The following AGBL1 variants were observed in gnomAD, a reference collection of about 807,000 sequenced individuals.
AGBL1 encodes cytosolic carboxypeptidase 4.
A neutral mutation model predicts 118.9 loss-of-function variants in AGBL1; 130 were observed. That is an observed-to-expected ratio of 1.09 (90% CI 0.95 to 1.26). The LOEUF is 1.26. Ranked by LOEUF, AGBL1 falls within the 50% of genes most tolerant of loss-of-function variation. The probability of loss-of-function intolerance (pLI) is 0.00; values close to 1 mark genes in which losing one functional copy is unlikely to be tolerated. For synonymous variants in AGBL1, 555 were observed against 478.9 expected, an observed-to-expected ratio of 1.16 and a Z score of -2.08; for missense variants, 1,584 against 1,298.1, an observed-to-expected ratio of 1.22 and a Z score of -3.38.
At position 86,554,512 on chromosome 15, in the gene AGBL1, G is replaced by A; in HGVS notation, c.2969G>A (p.Cys990Tyr). ...AGCTACACCATGGAAAGCAGCTACTGTGGCTGCAACCAGGGCCCTTATCAG... is the reference window on the plus strand; with the variant it reads ...AGCTACACCATGGAAAGCAGCTACTATGGCTGCAACCAGGGCCCTTATCAG... ...SRSYTMESSYCGCNQGPYQGL... is the reference protein window; with the variant it reads ...SRSYTMESSYYGCNQGPYQGL... The change falls in exon 21 of 23, where the codon TGT becomes TAT. Residue 990 changes from cysteine (C) to tyrosine (Y), a missense_variant. Transcript: ENST00000614907. 1 of 1,556,176 alleles carries A rather than the reference G, an allele frequency of 6.4e-7. No individual in the cohort carries two copies. The highest frequency in any genetic ancestry group is 1.2e-5 in the South Asian group (1 of 81,936).
chr15:86,260,578 A>G (rs138812902), intron 9 of AGBL1, among the ~76,000 whole-genome samples: 436 of 152,208 alleles, frequency 2.9e-3, no homozygotes, highest in African/African-American at 0.01. Context: ...TTTATTGGGT[A>G]TGATCCGTAT....
chr15:86,504,438 G>C (rs146385322), intron 18 of AGBL1, among the ~76,000 whole-genome samples: 1 of 151,468 alleles, frequency 6.6e-6, no homozygotes, highest in African/African-American at 2.4e-5. Context: ...AAGGTTTTAT[G>C]TATGTCATTT....
At chr15:86,080,208 A>G in intron 1 of AGBL1, 185 bp downstream of exon 1, 1 of 397,058 alleles carries the variant, frequency 2.5e-6, no homozygotes, top group East Asian at 3.7e-5. Flanking sequence ...CAAATATTAA[A>G]CACGACGATG....
intron 5 of AGBL1, among the ~76,000 whole-genome samples, chr15:86,191,369 A>AAAAAAAAG (rs1247744212): frequency 1.9e-4 from 27 of 145,140 alleles, no homozygotes; most frequent in African/African-American, 6.6e-4. Flanking sequence ...AAAAAAAAAA[A>AAAAAAAAG]AGAGAGAGAG....
intron 18 of AGBL1, among the ~76,000 whole-genome samples, chr15:86,515,560 G>A (rs993165748): frequency 5.3e-5 from 8 of 151,822 alleles, no homozygotes; most frequent in African/African-American, 1.7e-4. Context: ...ACAATTTTTT[G>A]TGAGAATTAA....
chr15:86,415,229 G>T (rs1326894511), intron 18 of AGBL1, among the ~76,000 whole-genome samples: 1 of 152,108 alleles, frequency 6.6e-6, no homozygotes, highest in Non-Finnish European at 1.5e-5. Context: ...TGTAGGGAGG[G>T]TATACAACCC....
chr15:86,474,611 A>C (rs2142109118), intron 18 of AGBL1, among the ~76,000 whole-genome samples: 1 of 152,338 alleles, frequency 6.6e-6, no homozygotes, highest in East Asian at 1.9e-4. Flanking sequence ...CTGCAGCTCA[A>C]GGAGGCCTGC....
intron 15 of AGBL1, among the ~76,000 whole-genome samples, chr15:86,272,529 A>T (rs2079178036): frequency 6.6e-6 from 1 of 152,226 alleles, no homozygotes; most frequent in South Asian, 2.1e-4. Context: ...GCCTCTAAAA[A>T]AGTATGATCA....
intron 17 of AGBL1, among the ~76,000 whole-genome samples, chr15:86,299,080 A>C (rs553248537): frequency 2.6e-5 from 4 of 152,318 alleles, no homozygotes; most frequent in Admixed American, 2.6e-4. Flanking sequence ...TTGAGTCGTC[A>C]CCAGATTTGC....
chr15:86,574,038 A>G (rs1449202663), intron 21 of AGBL1, among the ~76,000 whole-genome samples: 1 of 151,400 alleles, frequency 6.6e-6, no homozygotes, highest in Non-Finnish European at 1.5e-5. Flanking sequence ...CAAACAAATA[A>G]ACAAACAAAC....
chr15:86,216,634 C>A (rs575242366), intron 5 of AGBL1, among the ~76,000 whole-genome samples: 1 of 152,144 alleles, frequency 6.6e-6, no homozygotes, highest in Admixed American at 6.5e-5. Flanking sequence ...TGTGTGTAAT[C>A]CTTTTTACTT....
At chr15:86,316,236 C>T (rs1436709098) in intron 17 of AGBL1, among the ~76,000 whole-genome samples, 1 of 152,170 alleles carries the variant, frequency 6.6e-6, no homozygotes, top group Non-Finnish European at 1.5e-5. Flanking sequence ...GACTGAAACT[C>T]TGTTTCCGAG....
chr15:86,802,989 C>T (rs1236599496), intron 22 of AGBL1, among the ~76,000 whole-genome samples: 2 of 152,074 alleles, frequency 1.3e-5, no homozygotes, highest in African/African-American at 4.8e-5. Flanking sequence ...TGCTATTAAC[C>T]ATTACTCCAA....
intron 18 of AGBL1, among the ~76,000 whole-genome samples, chr15:86,421,771 T>C (rs2142024775): frequency 6.6e-6 from 1 of 151,346 alleles, no homozygotes; most frequent in East Asian, 1.9e-4. Context: ...AGCAAGCAAA[T>C]AGAAAGGAAA....
intron 18 of AGBL1, among the ~76,000 whole-genome samples, chr15:86,401,445 C>G (rs1387319912): frequency 6.6e-6 from 1 of 152,092 alleles, no homozygotes; most frequent in Non-Finnish European, 1.5e-5. Context: ...TGTGCAGGAG[C>G]TTTTTAGTTT....
chr15:86,179,272 T>C (rs2077521893), intron 5 of AGBL1, among the ~76,000 whole-genome samples: 1 of 152,222 alleles, frequency 6.6e-6, no homozygotes, highest in South Asian at 2.1e-4. Flanking sequence ...TTAGCAGGTA[T>C]GGTGTTGACA....
At chr15:86,851,961 G>A (rs895261542) in intron 22 of AGBL1, among the ~76,000 whole-genome samples, 2 of 152,192 alleles carry the variant, frequency 1.3e-5, no homozygotes, top group African/African-American at 4.8e-5. Context: ...GTTGTAAAAA[G>A]ACGACTGCAT....
At position 86,730,975 on chromosome 15, in the gene AGBL1, A is replaced by G. The variant is rs150838397; in HGVS notation, c.3158+56539A>G. ...CCCGAGTAGCTGGGATTACAGGCAT[A>G]TGCCACCATGCCAAGCTAATTTTTT... is the stretch of plus-strand genomic sequence containing the variant. On this transcript the variant is annotated intron_variant, in intron 22 of 22. Transcript: ENST00000614907. Among the ~76,000 whole-genome samples the G allele has an allele frequency of 5.8e-3, 884 of 152,038 alleles. 4 individuals are homozygous for G. The highest frequency in any genetic ancestry group is 9.8e-3 in the Non-Finnish European group (667 of 67,968).
intron 21 of AGBL1, among the ~76,000 whole-genome samples, chr15:86,574,523 C>T (rs1487920701): frequency 6.7e-6 from 1 of 149,368 alleles, no homozygotes; most frequent in East Asian, 2.0e-4. Flanking sequence ...CTGAAGGAAT[C>T]TAAGGAGATA....
Sources: allele counts gnomAD v4.1 joint callset (sites outside exome capture counted in the v4.1 genomes callset), GRCh38; gene constraint gnomAD v4.1.1; transcripts MANE v1.5; gene names NCBI Gene and HGNC (gene_info 2026-07-23, HGNC 2026-07-21).